The following GABRG3 variants were observed in gnomAD, a reference collection of about 807,000 sequenced individuals.
GABRG3 encodes the protein gamma-aminobutyric acid type A receptor subunit gamma3.
Under a neutral mutation model 48.8 loss-of-function variants are expected in GABRG3, and 25 were observed. The ratio of observed to expected loss-of-function variants is 0.51; its 90% CI spans 0.37 to 0.72. The LOEUF is 0.72. Among genes scored for constraint, GABRG3 ranks in the 30% least tolerant of loss-of-function variants. GABRG3 has a pLI of 0.00. For missense variants in GABRG3, 394 were observed against 577.9 expected (o/e 0.68, Z 3.26); for synonymous variants, 227 against 217.6 (o/e 1.04, Z -0.38).
At chr15:27,067,295 C>T (rs1365020792) in intron 3 of GABRG3, among the ~76,000 whole-genome samples, 1 of 152,332 alleles carries the variant, frequency 6.6e-6, no homozygotes, top group African/African-American at 2.4e-5. Context: ...GTCTGTGTTT[C>T]ACTACGCAGC....
At position 27,180,472 on chromosome 15, in the gene GABRG3, A is replaced by G. The variant is rs964117291; in HGVS notation, c.271-146337A>G. Among the ~76,000 whole-genome samples, 2 of 151,950 alleles carry G rather than the reference A, an allele frequency of 1.3e-5. No individual in the cohort carries two copies. The highest frequency in any genetic ancestry group is 4.8e-5 in the African/African-American group (2 of 41,382). On this transcript the variant is annotated intron_variant, in intron 3 of 9. Coordinates refer to ENST00000615808, the MANE Select transcript of GABRG3 (RefSeq NM_033223.5). This position sits in a 1 kb window ranked among gnomAD's most constrained non-coding sequence, Gnocchi z 4.2. ...GACTCTCTGCCTACCCTATGCTTGC[A>G]CTAGATTCATCACGAAGCACCGACT...
In GABRG3 at chr15:27,490,674, T is replaced by C. The variant is rs571553008; in HGVS notation, c.712+9887T>C. Reference sequence around the variant, plus strand: ...CTGGTTGTCACTGATCAGACACTTCTGTGCAGGAAATTTTGAATGCACCCA... The same window carrying C: ...CTGGTTGTCACTGATCAGACACTTCCGTGCAGGAAATTTTGAATGCACCCA... On this transcript the variant is annotated intron_variant, in intron 6 of 9. Coordinates refer to ENST00000615808, the MANE Select transcript of GABRG3 (RefSeq NM_033223.5). Among the ~76,000 whole-genome samples the C allele has an allele frequency of 2.0e-5, 3 of 152,364 alleles. No individual in the cohort carries two copies. In the East Asian group the frequency reaches 5.8e-4, roughly 29 times the overall value.
chr15:27,311,579 AAAC>A (rs1207605411), intron 3 of GABRG3, among the ~76,000 whole-genome samples: 2 of 152,026 alleles, frequency 1.3e-5, no homozygotes, highest in East Asian at 3.9e-4. Flanking sequence ...AACCAAAACA[AAAC>A]AACAACAATA....
intron 6 of GABRG3, 43 bp from the exon 7 acceptor site, chr15:27,519,929 G>A (rs1891118982): frequency 7.5e-7 from 1 of 1,328,772 alleles, no homozygotes; most frequent in Non-Finnish European, 1.0e-6. Context: ...AATTATTTTT[G>A]ACCCATCAAA....
intron 3 of GABRG3, among the ~76,000 whole-genome samples, chr15:27,152,289 A>G (rs957371042): frequency 1.3e-5 from 2 of 152,172 alleles, no homozygotes; most frequent in African/African-American, 4.8e-5. Context: ...AGTTGGCCAT[A>G]TATTTGGGGA....
chr15:27,161,495 C>A (rs1229994712), intron 3 of GABRG3, among the ~76,000 whole-genome samples: 1 of 152,074 alleles, frequency 6.6e-6, no homozygotes, highest in Non-Finnish European at 1.5e-5. Context: ...TTTAATGATG[C>A]TTTTTGATGA....
intron 3 of GABRG3, among the ~76,000 whole-genome samples, chr15:27,152,575 A>G (rs1898336916): frequency 6.6e-6 from 1 of 152,178 alleles, no homozygotes; most frequent in Non-Finnish European, 1.5e-5. Context: ...ATTTGTAGAG[A>G]ATTCATATCT....
chr15:27,238,865 C>T (rs1002323207), intron 3 of GABRG3, among the ~76,000 whole-genome samples: 4 of 152,174 alleles, frequency 2.6e-5, no homozygotes, highest in South Asian at 2.1e-4. Flanking sequence ...GCTGTACTAA[C>T]CCAGGGTTAG....
At chr15:27,384,491 A>ACACG (rs1173114011) in intron 5 of GABRG3, among the ~76,000 whole-genome samples, 1 of 152,220 alleles carries the variant, frequency 6.6e-6, no homozygotes, top group African/African-American at 2.4e-5. Flanking sequence ...AGTGAAATAC[A>ACACG]CACGCACACA....
At chr15:27,087,874 T>G (rs1265451319) in intron 3 of GABRG3, among the ~76,000 whole-genome samples, 2 of 150,202 alleles carry the variant, frequency 1.3e-5, no homozygotes, top group Non-Finnish European at 3.0e-5. Context: ...GGGGTGTGTG[T>G]GGTGTGCTAT....
chr15:27,410,752 G>A (rs1449578327), intron 5 of GABRG3, among the ~76,000 whole-genome samples: 1 of 151,528 alleles, frequency 6.6e-6, no homozygotes, highest in Non-Finnish European at 1.5e-5. Context: ...AGCCATTTTT[G>A]CTGACTGTGG....
intron 3 of GABRG3, among the ~76,000 whole-genome samples, chr15:27,155,237 G>T (rs1006613260): frequency 2.6e-5 from 4 of 151,936 alleles, no homozygotes; most frequent in African/African-American, 9.7e-5. Flanking sequence ...TTTTCACTGG[G>T]GTCTTCTTTA....
chr15:27,333,397 C>T (rs910775900), intron 5 of GABRG3, among the ~76,000 whole-genome samples: 20 of 152,116 alleles, frequency 1.3e-4, no homozygotes, highest in African/African-American at 4.8e-4. Flanking sequence ...TCCTAGAGGC[C>T]GCCCGCATTC....
chr15:27,445,899 CT>C (rs796081241), intron 5 of GABRG3, among the ~76,000 whole-genome samples: 214 of 149,496 alleles, frequency 1.4e-3, no homozygotes, highest in African/African-American at 4.4e-3. Flanking sequence ...GTTGAAAAGA[CT>C]TTTTTTTTTC....
intron 5 of GABRG3, among the ~76,000 whole-genome samples, chr15:27,429,431 A>G (rs534229819): frequency 2.0e-5 from 3 of 152,308 alleles, no homozygotes; most frequent in South Asian, 2.1e-4. Context: ...TTAATGAGAT[A>G]TAATTCACAT....
intron 3 of GABRG3, among the ~76,000 whole-genome samples, chr15:27,166,702 T>C (rs1887385696): frequency 6.6e-6 from 1 of 152,090 alleles, no homozygotes; most frequent in Admixed American, 6.6e-5. Flanking sequence ...TCCTGCTGTT[T>C]CCTAGGAAAT....
chr15:27,380,802 G>A (rs562619182), intron 5 of GABRG3, among the ~76,000 whole-genome samples: 278 of 138,270 alleles, frequency 2.0e-3, no homozygotes, highest in Admixed American at 5.4e-3. Flanking sequence ...GTCTCACTCT[G>A]TTGCCCAGGC....
At chr15:27,472,603 C>G (rs1332982890) in intron 5 of GABRG3, among the ~76,000 whole-genome samples, 2 of 152,072 alleles carry the variant, frequency 1.3e-5, no homozygotes, top group Non-Finnish European at 2.9e-5. Flanking sequence ...GTCTGTATGC[C>G]TCTAATTGTT....
intron 5 of GABRG3, chr15:27,341,064 C>G: frequency 2.2e-6 from 1 of 444,832 alleles, no homozygotes; most frequent in South Asian, 1.7e-5. Context: ...CTTCAAACTA[C>G]TGAAGAGTTA....
Sources: gnomAD v4.1 joint callset for allele counts (sites outside exome capture counted in the v4.1 genomes callset) on GRCh38, gnomAD v4.1.1 for gene constraint, Gnocchi (gnomAD v3.1) non-coding constraint, MANE v1.5 for transcripts, NCBI Gene and HGNC (gene_info 2026-07-23, HGNC 2026-07-21) for gene names.